The following TRMT5 variants were observed in gnomAD, a reference collection of about 807,000 sequenced individuals.
TRMT5 encodes the protein tRNA methyltransferase 5.
TRMT5 carries 31 observed loss-of-function variants against 42.2 expected under a neutral mutation model. The observed-to-expected ratio is 0.73, with a 90% confidence interval of 0.55 to 0.99. TRMT5 has a LOEUF of 0.99. Among genes scored for constraint, TRMT5 ranks in the 50% least tolerant of loss-of-function variants. The pLI, the probability that TRMT5 is intolerant of heterozygous loss-of-function variation, is 0.00. For missense variants in TRMT5, 568 were observed against 595.0 expected, an observed-to-expected ratio of 0.95 and a Z score of 0.47; for synonymous variants, 198 against 209.6, an observed-to-expected ratio of 0.94 and a Z score of 0.48.
chr14:60,971,981 G>A lies in TRMT5; in HGVS notation c.*3128C>T. ...TGCCAAGGTGGCCATGTGTGTCAAAGTCAGGAAATCCCTCCTCCTGGGAGC... is the reference window on the plus strand; with the variant it reads ...TGCCAAGGTGGCCATGTGTGTCAAAATCAGGAAATCCCTCCTCCTGGGAGC... On this transcript the variant is annotated 3_prime_UTR_variant, in exon 5 of 5. Transcript: ENST00000261249. 3.8e-6 allele frequency: 1 copy of A among 265,004 alleles called. No homozygotes were observed. The highest frequency in any genetic ancestry group is 7.3e-6 in the Non-Finnish European group (1 of 136,218). 16.4% of individuals were successfully genotyped at this position (265,004 alleles called of 1,614,324 possible).
intron 4 of TRMT5, 79 bp downstream of exon 4, chr14:60,975,396 A>G (rs544060968): frequency 6.5e-7 from 1 of 1,536,300 alleles, no homozygotes; most frequent in Admixed American, 1.9e-5. Flanking sequence ...CTAATACTGC[A>G]TTAAAATTTG....
chr14:60,978,768 A>G (rs575162240), intron 2 of TRMT5, among the ~76,000 whole-genome samples: 2 of 152,326 alleles, frequency 1.3e-5, no homozygotes, highest in African/African-American at 4.8e-5. Context: ...CATCAATAAA[A>G]ACAAAAGAAA....
rs1344604330 is a variant in TRMT5 at position 60,979,802 on chromosome 14, T to C, written c.96A>G (p.Pro32=). 3.1e-6 allele frequency: 5 copies of C among 1,613,710 alleles called. No individual in the cohort carries two copies. Among genetic ancestry groups the C allele is most frequent in the Admixed American group, 1.7e-5 (1 of 59,988 alleles). ...HSITESKSLI[P]VAWTSLTQML... ...TCTGTGTCAGGGATGTCCAAGCTAC[T>C]GGAATCAACGATTTTGATTCAGTTA... Residue 32 remains proline (P), a synonymous_variant, in exon 2 of 5, where the codon CCA becomes CCG. Transcript: ENST00000261249.
chr14:60,974,275 C>T lies in TRMT5; in HGVS notation c.*834G>A, dbSNP rs1483999600. 1 of 152,212 alleles carries T rather than the reference C, an allele frequency of 6.6e-6. No homozygotes were observed. Among genetic ancestry groups the T allele is most frequent in the East Asian group, 1.9e-4 (1 of 5,202 alleles). The allele number at this position is 152,212 out of a possible 1,614,324, so 9.4% of individuals were successfully genotyped here. On this transcript the variant is annotated 3_prime_UTR_variant, in exon 5 of 5. Coordinates refer to ENST00000261249, the MANE Select transcript of TRMT5 (RefSeq NM_020810.3). ...AGTGTGAAGTGATGACAGTCACATT[C>T]AGTGTGTGTTGCAACCACTCAACTC...
At chr14:60,981,187 T>G (rs2036978703), upstream of TRMT5, 2 of 1,536,778 alleles carry the variant, frequency 1.3e-6, no homozygotes, top group African/African-American at 2.7e-5. Flanking sequence ...AGGGCCGGGC[T>G]CAAAGCTCCG....
chr14:60,975,836 T>G lies in TRMT5; in HGVS notation c.1083A>C (p.Gln361His). Residue 361 changes from glutamine (Q) to histidine (H), a missense_variant, in exon 4 of 5, where the codon CAA becomes CAC. Physicochemically the swap from Gln to His is conservative, Grantham distance 24. Transcript: ENST00000261249. Reference sequence around the variant, plus strand: ...GCATTAACTCTTCTTTGACTGGTCCTTGGAGGAAGTCTTTCCCATCCAAGT... The same window carrying G: ...GCATTAACTCTTCTTTGACTGGTCCGTGGAGGAAGTCTTTCCCATCCAAGT... ...VFNLDGKDFL[Q>H]GPVKEELMQL... is the part of the protein sequence containing the mutation. 6.2e-7 allele frequency: 1 copy of G among 1,614,244 alleles called. No individual in the cohort carries two copies. Among genetic ancestry groups the G allele is most frequent in the Non-Finnish European group, 8.5e-7 (1 of 1,180,038 alleles).
In TRMT5 at chr14:60,975,518, C is replaced by A; in HGVS notation, c.1401G>T (p.Gln467His). 1 of 1,614,158 alleles carries A rather than the reference C, an allele frequency of 6.2e-7. No individual in the cohort carries two copies. Among genetic ancestry groups the A allele is most frequent in the African/African-American group, 1.3e-5 (1 of 75,050 alleles). ...TCTTGTAGAGGACAGAGGCAGGAAT[C>A]TGAAACGTGATGCACAGCATTTCCT... Reference protein sequence around the residue: ...PNKEMLCITFQIPASVLYKNQ... With the variant: ...PNKEMLCITFHIPASVLYKNQ... The change falls in exon 4 of 5, where the codon CAG becomes CAT. Residue 467 changes from glutamine to histidine, a missense_variant. Coordinates refer to ENST00000261249, the MANE Select transcript of TRMT5 (RefSeq NM_020810.3).
chr14:60,981,681 C>G (rs1398158288), upstream of TRMT5: 11 of 1,384,474 alleles, frequency 7.9e-6, no homozygotes, highest in Non-Finnish European at 1.0e-5. Flanking sequence ...ATTATGTACT[C>G]ACTGCTGTTA....
In TRMT5 at chr14:60,972,469, C is replaced by CGGT; in HGVS notation, c.*2639_*2640insACC. The CGGT allele has an allele frequency of 2.7e-6, 1 of 370,962 alleles. No individual in the cohort carries two copies. The highest frequency in any genetic ancestry group is 2.7e-5 in the Admixed American group (1 of 36,704). 23.0% of individuals were successfully genotyped at this position (370,962 alleles called of 1,614,324 possible). ...CCTTCAGTCTTTCTCTTGGGCATGG[C>CGGT]GGCGGCGGCGGCGGCGGGATGTGGG... is the stretch of plus-strand genomic sequence containing the variant. On this transcript the variant is annotated 3_prime_UTR_variant, in exon 5 of 5. Transcript: ENST00000261249.
rs1344085862 is a variant in TRMT5 at position 60,975,140 on chromosome 14, T to C, written c.1499A>G (p.Asp500Gly). Residue 500 changes from aspartate to glycine, a missense_variant, in exon 5 of 5, where the codon GAC becomes GGC. Coordinates refer to ENST00000261249, the MANE Select transcript of TRMT5 (RefSeq NM_020810.3). ...KRQRTAEAFS[D>G]EKTQIVSNT Reference sequence around the variant, plus strand: ...GTTTGAAACAATTTGTGTTTTTTCGTCTGAAAAGGCTTCAGCCGTCCTCTG... The same window carrying C: ...GTTTGAAACAATTTGTGTTTTTTCGCCTGAAAAGGCTTCAGCCGTCCTCTG... The C allele has an allele frequency of 6.2e-7, 1 of 1,610,462 alleles. No individual in the cohort carries two copies. The highest frequency in any genetic ancestry group is 8.5e-7 in the Non-Finnish European group (1 of 1,178,822).
intron 1 of TRMT5, chr14:60,980,725 G>A: frequency 3.2e-6 from 2 of 623,810 alleles, no homozygotes; most frequent in Non-Finnish European, 5.6e-6. Flanking sequence ...TCTAGCAGCT[G>A]ACCAGCTGGG....
chr14:60,972,555 C>T lies in TRMT5; in HGVS notation c.*2554G>A. On this transcript the variant is annotated 3_prime_UTR_variant, in exon 5 of 5. Coordinates refer to ENST00000261249, the MANE Select transcript of TRMT5 (RefSeq NM_020810.3). ...GTCGGTCCAGGGGTCGTTCTTGCCT[C>T]TTCTCCTTCACACTGCTCCCACGCT... 7.5e-6 allele frequency: 3 copies of T among 398,856 alleles called. No homozygotes were observed. Among genetic ancestry groups the T allele is most frequent in the Non-Finnish European group, 1.5e-5 (3 of 206,428 alleles). The allele number at this position is 398,856 out of a possible 1,614,324, so 24.7% of individuals were successfully genotyped here.
intron 2 of TRMT5, among the ~76,000 whole-genome samples, 191 bp downstream of exon 2, chr14:60,979,040 T>G (rs1179081602): frequency 6.6e-6 from 1 of 152,182 alleles, no homozygotes; most frequent in Non-Finnish European, 1.5e-5. Flanking sequence ...TATTTGGAAC[T>G]TGCTATGACT....
At chr14:60,981,545 G>T (rs2037021668), upstream of TRMT5, 1 of 1,531,078 alleles carries the variant, frequency 6.5e-7, no homozygotes, top group Non-Finnish European at 8.7e-7. Flanking sequence ...ATTCAGATGA[G>T]ATTGGCGCAG....
Position 60,975,880 on chromosome 14 carries a change from G to A in TRMT5, c.1039C>T (p.Gln347Ter). Residue 347 changes from glutamine (Q) to a stop codon, truncating the protein, a stop_gained, in exon 4 of 5, where the codon CAA (glutamine) becomes TAA (stop). Transcript: ENST00000261249. LOFTEE classifies it high-confidence loss of function. ...TCCAAGTTGAAGACTTTCACCTTTT[G>A]GTCCACTTTATTTAATTTACAGTTG... Reference protein sequence around the residue: ...LYNCKLNKVDQKVKVFNLDGK... With the variant: ...LYNCKLNKVD The A allele has an allele frequency of 1.9e-6, 3 of 1,614,084 alleles. No individual in the cohort carries two copies.
At position 60,979,822 on chromosome 14, in the gene TRMT5, C is replaced by T. The variant is rs1281213580; in HGVS notation, c.76G>A (p.Glu26Lys). The T allele has an allele frequency of 7.4e-6, 12 of 1,611,026 alleles. No homozygotes were observed. The highest frequency in any genetic ancestry group is 1.3e-5 in the African/African-American group (1 of 74,250). ...GCTACTGGAATCAACGATTTTGATT[C>T]AGTTATGCTATGGCTTTCCAGTTTC... ...FLKLESHSIT[E>K]SKSLIPVAWT... Residue 26 changes from glutamate (E) to lysine (K), a missense_variant, in exon 2 of 5, where the codon GAA becomes AAA. Physicochemically the swap from Glu to Lys is moderately conservative, Grantham distance 56 (BLOSUM62 1). Coordinates refer to ENST00000261249, the MANE Select transcript of TRMT5 (RefSeq NM_020810.3).
chr14:60,979,921 G>C, intron 1 of TRMT5, 35 bp from the exon 2 acceptor site: 1 of 1,503,018 alleles, frequency 6.7e-7, no homozygotes, highest in Non-Finnish European at 8.8e-7. Context: ...ACACACGACA[G>C]CTTTTGAGAA....
chr14:60,974,377 G>T lies in TRMT5; in HGVS notation c.*732C>A, dbSNP rs1029043133. ...TAAAAAACTGGAATGGTACAGAGAA[G>T]ATCAGAATGGTCCCTGCGCAAGGAT... is the stretch of plus-strand genomic sequence containing the variant. On this transcript the variant is annotated 3_prime_UTR_variant, in exon 5 of 5. Coordinates refer to ENST00000261249, the MANE Select transcript of TRMT5 (RefSeq NM_020810.3). The T allele has an allele frequency of 2.0e-4, 30 of 152,318 alleles. No homozygotes were observed. The highest frequency in any genetic ancestry group is 2.4e-4 in the Non-Finnish European group (16 of 68,042). 9.4% of individuals were successfully genotyped at this position (152,318 alleles called of 1,614,324 possible).
At position 60,975,716 on chromosome 14, in the gene TRMT5, C is replaced by A; in HGVS notation, c.1203G>T (p.Trp401Cys). 1 of 1,614,184 alleles carries A rather than the reference C, an allele frequency of 6.2e-7. No homozygotes were observed. The highest frequency in any genetic ancestry group is 8.5e-7 in the Non-Finnish European group (1 of 1,180,036). Residue 401 changes from tryptophan to cysteine, a missense_variant, in exon 4 of 5, where the codon TGG (tryptophan) becomes TGT (cysteine). Transcript: ENST00000261249. ...KAIEFLSAFK[W>C]LLDGQPCSSE... Reference sequence around the variant, plus strand: ...TGCTGCATGGCTGCCCATCTAAAAGCCACTTGAAAGCACTAAGAAACTCTA... The same window carrying A: ...TGCTGCATGGCTGCCCATCTAAAAGACACTTGAAAGCACTAAGAAACTCTA...
Sources: allele counts gnomAD v4.1 joint callset (sites outside exome capture counted in the v4.1 genomes callset), GRCh38; gene constraint gnomAD v4.1.1; transcripts MANE v1.5; gene names NCBI Gene and HGNC (gene_info 2026-07-23, HGNC 2026-07-21).